The following SLIT2 variants were observed in gnomAD, a reference collection of about 807,000 sequenced individuals.
SLIT2 encodes slit homolog 2 protein.
A neutral mutation model predicts 185.7 loss-of-function variants in SLIT2; 41 were observed. The ratio of observed to expected loss-of-function variants is 0.22; its 90% CI spans 0.17 to 0.29. The LOEUF is 0.29. Among genes scored for constraint, SLIT2 ranks in the 10% least tolerant of loss-of-function variants. The probability of loss-of-function intolerance (pLI) is 1.00; values close to 1 mark genes in which losing one functional copy is unlikely to be tolerated. For missense variants in SLIT2, 1,571 were observed against 1,909.0 expected (o/e 0.82, Z 3.30); for synonymous variants, 693 against 680.2 (o/e 1.02, Z -0.29).
intron 4 of SLIT2, among the ~76,000 whole-genome samples, chr4:20,320,142 A>C (rs1718938512): frequency 6.6e-6 from 1 of 152,170 alleles, no homozygotes; most frequent in African/African-American, 2.4e-5. Flanking sequence ...TTAGGGGAAA[A>C]TCTACAGATA....
chr4:20,556,719 T>C (rs1204152093), intron 26 of SLIT2, among the ~76,000 whole-genome samples: 1 of 147,584 alleles, frequency 6.8e-6, no homozygotes, highest in African/African-American at 2.5e-5. Context: ...AATCAAAAGC[T>C]AGAAATTATT....
At chr4:20,618,159 T>G (rs1198049274) in intron 36 of SLIT2, among the ~76,000 whole-genome samples, 1 of 152,188 alleles carries the variant, frequency 6.6e-6, no homozygotes, top group Admixed American at 6.5e-5. Context: ...ACAGGCTGAC[T>G]TCTTAGTTCA....
intron 15 of SLIT2, among the ~76,000 whole-genome samples, chr4:20,527,729 A>AT (rs1239816666): frequency 1.3e-4 from 20 of 152,148 alleles, no homozygotes; most frequent in Admixed American, 3.9e-4. Context: ...ACATCATGCT[A>AT]TTTTTTCAAT....
rs1560468762 is a variant in SLIT2 at position 20,488,787 on chromosome 4, T to C, written c.612-32T>C. On this transcript the variant is annotated intron_variant, in intron 7 of 36. Coordinates refer to ENST00000504154, the MANE Select transcript of SLIT2 (RefSeq NM_004787.4). ...TTAATGAAATAACGACTTTCTGTTT[T>C]CTTGCTTTACACTTCTTTTTTTCTC... 3.9e-6 allele frequency: 6 copies of C among 1,533,600 alleles called. No individual in the cohort carries two copies. In the African/African-American group the frequency reaches 5.5e-5, roughly 14 times the overall value. 95.0% of individuals were successfully genotyped at this position (1,533,600 alleles called of 1,614,324 possible).
chr4:20,379,004 G>A (rs1724259895), intron 4 of SLIT2, among the ~76,000 whole-genome samples: 1 of 152,148 alleles, frequency 6.6e-6, no homozygotes, highest in African/African-American at 2.4e-5. Context: ...TACATACAGT[G>A]TGATTCCAAC....
chr4:20,271,309 A>G (rs1400294131), intron 4 of SLIT2, among the ~76,000 whole-genome samples: 1 of 150,432 alleles, frequency 6.6e-6, no homozygotes, highest in Non-Finnish European at 1.5e-5. Flanking sequence ...TAGTTGATAT[A>G]TATATGATCG....
chr4:20,569,057 A>G, intron 29 of SLIT2, 53 bp downstream of exon 29: 1 of 1,450,590 alleles, frequency 6.9e-7, no homozygotes, highest in South Asian at 1.1e-5. Context: ...GTTTGAAAGC[A>G]TCATTGGAAC....
At chr4:20,343,222 T>TCC (rs1331402308) in intron 4 of SLIT2, among the ~76,000 whole-genome samples, 2 of 152,112 alleles carry the variant, frequency 1.3e-5, no homozygotes, top group Admixed American at 1.3e-4. Flanking sequence ...CCCAATCCAC[T>TCC]CATACACCCT....
chr4:20,288,086 G>C (rs571905628), intron 4 of SLIT2, among the ~76,000 whole-genome samples: 1 of 152,138 alleles, frequency 6.6e-6, no homozygotes. Flanking sequence ...TTAGTAAGTC[G>C]ATAGAATTTC....
chr4:20,495,192 A>G (rs1718123002), intron 9 of SLIT2, among the ~76,000 whole-genome samples: 1 of 152,242 alleles, frequency 6.6e-6, no homozygotes, highest in Admixed American at 6.5e-5. Flanking sequence ...GATAAGCCGC[A>G]GTTTGAATAG....
In SLIT2 at chr4:20,604,506, C is replaced by T. The variant is rs115283591; in HGVS notation, c.3693-5507C>T. Among the ~76,000 whole-genome samples, 260 of 151,670 alleles carry T rather than the reference C, an allele frequency of 1.7e-3. 1 individual carries two copies. The highest frequency in any genetic ancestry group is 5.7e-3 in the African/African-American group (237 of 41,380). On this transcript the variant is annotated intron_variant, in intron 33 of 36. Coordinates refer to ENST00000504154, the MANE Select transcript of SLIT2 (RefSeq NM_004787.4). ...CTGGGACTACAGGCGCTCACCCCTACGCCTAGCTTTTTTTGTATTTTTAAT... is the reference window on the plus strand; with the variant it reads ...CTGGGACTACAGGCGCTCACCCCTATGCCTAGCTTTTTTTGTATTTTTAAT...
intron 4 of SLIT2, among the ~76,000 whole-genome samples, chr4:20,327,438 A>AAGTT (rs1719687159): frequency 6.6e-6 from 1 of 152,076 alleles, no homozygotes; most frequent in African/African-American, 2.4e-5. Flanking sequence ...AATTCCAAAA[A>AAGTT]AGTTATTTTA....
chr4:20,539,354 T>C (rs905802520), intron 18 of SLIT2, 87 bp from the exon 19 acceptor site: 56 of 1,197,352 alleles, frequency 4.7e-5, no homozygotes, highest in Non-Finnish European at 6.3e-5. Context: ...ATGCTACATA[T>C]TTGCAAGGAT....
In SLIT2 at chr4:20,539,490, G is replaced by A; in HGVS notation, c.1882G>A (p.Gly628Arg). 1 of 1,613,530 alleles carries A rather than the reference G, an allele frequency of 6.2e-7. No individual in the cohort carries two copies. Among genetic ancestry groups the A allele is most frequent in the Non-Finnish European group, 8.5e-7 (1 of 1,179,716 alleles). The change falls in exon 19 of 37, where the codon GGA (glycine) becomes AGA (arginine). Residue 628 changes from glycine (G) to arginine (R), a missense_variant. This residue lies in a region of SLIT2 where 1,202 missense variants were observed against 1,416.4 expected (regional missense o/e 0.85). Transcript: ENST00000504154. ...CTGTGTGGGGAATGACAGTTTCATA[G>A]GACTCAGTTCTGTGCGTTTGCTTTC... Reference protein sequence around the residue: ...ITCVGNDSFIGLSSVRLLSLY... With the variant: ...ITCVGNDSFIRLSSVRLLSLY...
intron 4 of SLIT2, among the ~76,000 whole-genome samples, chr4:20,396,530 G>T (rs1725906196): frequency 1.3e-5 from 2 of 151,558 alleles, no homozygotes; most frequent in Admixed American, 6.6e-5. Context: ...TTACCAGAAA[G>T]GTTGATAATT....
chr4:20,472,315 G>GATCTATAT (rs1715248820), intron 5 of SLIT2, among the ~76,000 whole-genome samples: 3 of 12,818 alleles, frequency 2.3e-4, no homozygotes, highest in African/African-American at 3.2e-4. Flanking sequence ...TCTATATATA[G>GATCTATAT]ATATATATAT....
At chr4:20,334,023 G>A (rs772326704) in intron 4 of SLIT2, among the ~76,000 whole-genome samples, 1 of 152,150 alleles carries the variant, frequency 6.6e-6, no homozygotes, top group Admixed American at 6.5e-5. Flanking sequence ...AGCTCACTGT[G>A]TTCTCCTTGA....
chr4:20,429,577 A>G (rs1475056594), intron 4 of SLIT2, among the ~76,000 whole-genome samples: 2 of 152,210 alleles, frequency 1.3e-5, no homozygotes, highest in Admixed American at 6.5e-5. Context: ...GATAACAGGA[A>G]GTAACAGGAA....
rs751756541 is a variant in SLIT2, at chr4:20,550,811, T to G, written c.2490-16T>G. 1 of 1,564,330 alleles carries G rather than the reference T, an allele frequency of 6.4e-7. No homozygotes were observed. The highest frequency in any genetic ancestry group is 2.2e-5 in the East Asian group (1 of 44,460). ...AGAAATATAGGAAGTTTAATTTTTC[T>G]TTTTCTTTCTTTTAGTTCTCTACAT... On this transcript the variant is annotated splice_polypyrimidine_tract_variant and intron_variant, in intron 24 of 36. Transcript: ENST00000504154.
Sources: gnomAD v4.1 joint callset for allele counts (sites outside exome capture counted in the v4.1 genomes callset) on GRCh38, gnomAD v4.1.1 for gene constraint, gnomAD v4.1.1 regional missense constraint, MANE v1.5 for transcripts, NCBI Gene and HGNC (gene_info 2026-07-23, HGNC 2026-07-21) for gene names.